The following FAM168A variants were observed in gnomAD, a reference collection of about 807,000 sequenced individuals.
FAM168A encodes family with sequence similarity 168 member A.
FAM168A carries 3 observed loss-of-function variants against 28.5 expected under a neutral mutation model. The observed-to-expected ratio is 0.11, with a 90% CI of 0.05 to 0.27. The LOEUF (loss-of-function observed/expected upper bound fraction) is 0.27, where lower values mean the gene tolerates loss of function less well. Ranked by LOEUF, FAM168A falls within the 10% of genes least tolerant of loss-of-function variation. FAM168A has a pLI of 1.00. For synonymous variants in FAM168A, 122 were observed against 124.2 expected, an observed-to-expected ratio of 0.98 and a Z score of 0.12; for missense variants, 222 against 311.5, an observed-to-expected ratio of 0.71 and a Z score of 2.16.
intron 3 of FAM168A, among the ~76,000 whole-genome samples, chr11:73,429,512 C>A (rs1351194078): frequency 6.6e-6 from 1 of 152,228 alleles, no homozygotes; most frequent in Admixed American, 6.5e-5. Context: ...TCTAGCTGCT[C>A]ACAGTTTAGC....
intron 2 of FAM168A, among the ~76,000 whole-genome samples, chr11:73,446,565 C>A (rs2134540009): frequency 6.6e-6 from 1 of 152,342 alleles, no homozygotes; most frequent in East Asian, 1.9e-4. Context: ...CATGCCCATG[C>A]AACCTGTCAC....
intron 1 of FAM168A, among the ~76,000 whole-genome samples, chr11:73,552,394 T>C (rs1391993473): frequency 6.6e-6 from 1 of 152,230 alleles, no homozygotes; most frequent in Non-Finnish European, 1.5e-5. Context: ...TCCACTATAA[T>C]TTACACTTTA....
intron 1 of FAM168A, among the ~76,000 whole-genome samples, chr11:73,508,119 A>G (rs1313838994): frequency 3.3e-5 from 5 of 152,188 alleles, no homozygotes; most frequent in African/African-American, 1.2e-4. Context: ...CAGCTGATGT[A>G]AGAGTTAAAT....
At chr11:73,544,662 T>C (rs1943702086) in intron 1 of FAM168A, among the ~76,000 whole-genome samples, 2 of 134,960 alleles carry the variant, frequency 1.5e-5, no homozygotes, top group South Asian at 2.1e-4. Context: ...CAATTACATA[T>C]ATTATATATA....
intron 1 of FAM168A, among the ~76,000 whole-genome samples, chr11:73,577,374 C>T (rs1451854799): frequency 6.6e-6 from 1 of 152,078 alleles, no homozygotes; most frequent in East Asian, 1.9e-4. Flanking sequence ...CACTTTTAAC[C>T]TTGAGCAAAT....
In FAM168A at chr11:73,419,948, G is replaced by A; in HGVS notation, c.203C>T (p.Thr68Ile). Residue 68 changes from threonine (T) to isoleucine (I), a missense_variant, in exon 4 of 8, where the codon ACT becomes ATT. Coordinates refer to ENST00000356467, the MANE Select transcript of FAM168A (RefSeq NM_015159.3). ...CACTGGGAGGTGGAAGGTGCCTTCA[G>A]TGCCACAGGAAGACGAGTTCTGTGG... is the stretch of plus-strand genomic sequence containing the variant. ...AWPQNSSSCG[T>I]EGTFHLPVDT... The A allele has an allele frequency of 6.2e-7, 1 of 1,613,976 alleles. No individual in the cohort carries two copies. The highest frequency in any genetic ancestry group is 8.5e-7 in the Non-Finnish European group (1 of 1,179,910).
In FAM168A at chr11:73,407,694, G is replaced by T. The variant is rs765935326; in HGVS notation, c.596-51C>A. On this transcript the variant is annotated intron_variant, in intron 6 of 7. Coordinates refer to ENST00000356467, the MANE Select transcript of FAM168A (RefSeq NM_015159.3). ...ACCTGACGAGGCTGCACCAGACACAGGAATGAAGAGGATGAAGCTACAGTC... is the reference window on the plus strand; with the variant it reads ...ACCTGACGAGGCTGCACCAGACACATGAATGAAGAGGATGAAGCTACAGTC... The T allele has an allele frequency of 6.3e-6, 9 of 1,430,916 alleles. No individual in the cohort carries two copies. In the South Asian group the frequency reaches 1.1e-4, roughly 17 times the overall value. The allele number at this position is 1,430,916 out of a possible 1,614,324, so 88.6% of individuals were successfully genotyped here. A position where few individuals can be genotyped will look rare whatever the true frequency, so the allele number is the denominator to read the frequency against.
At position 73,537,224 on chromosome 11, in the gene FAM168A, A is replaced by C. The variant is rs563928123; in HGVS notation, c.-19+60699T>G. 1.2e-3 allele frequency among the ~76,000 whole-genome samples: 177 copies of C among 152,328 alleles called. 1 individual carries two copies. The highest frequency in any genetic ancestry group is 4.1e-3 in the African/African-American group (169 of 41,566). On this transcript the variant is annotated intron_variant, in intron 1 of 7. Transcript: ENST00000356467. Reference sequence around the variant, plus strand: ...GCAATTAATACAGTATTGCAAGAGCAGTAGGAAGTGAGGCTGAAAAGGCAG... The same window carrying C: ...GCAATTAATACAGTATTGCAAGAGCCGTAGGAAGTGAGGCTGAAAAGGCAG...
intron 2 of FAM168A, among the ~76,000 whole-genome samples, chr11:73,459,064 G>A (rs1867592251): frequency 6.6e-6 from 1 of 151,884 alleles, no homozygotes; most frequent in African/African-American, 2.4e-5. Flanking sequence ...AATTTGTCCT[G>A]GAAAGTCAAA....
At chr11:73,590,765 A>G (rs998716031) in intron 1 of FAM168A, among the ~76,000 whole-genome samples, 2 of 152,242 alleles carry the variant, frequency 1.3e-5, no homozygotes, top group Non-Finnish European at 1.5e-5. Flanking sequence ...GGTCGAGAGT[A>G]GAACTGACAC....
rs1188124884 is a variant in FAM168A at position 73,587,554 on chromosome 11, T to G, written c.-19+10369A>C. On this transcript the variant is annotated intron_variant, in intron 1 of 7. Coordinates refer to ENST00000356467, the MANE Select transcript of FAM168A (RefSeq NM_015159.3). ...AACTATTAATTTTACCCAGGCACAG[T>G]GGTGCAGAGCTGTAGTTCCAGCTAC... 3.3e-5 allele frequency among the ~76,000 whole-genome samples: 5 copies of G among 151,300 alleles called. No homozygotes were observed. In the South Asian group the frequency reaches 6.3e-4, roughly 19 times the overall value.
intron 1 of FAM168A, among the ~76,000 whole-genome samples, chr11:73,548,667 G>A (rs936559508): frequency 2.0e-5 from 3 of 152,082 alleles, no homozygotes; most frequent in Non-Finnish European, 2.9e-5. Flanking sequence ...GTGTGAAAGC[G>A]TCTTGCTCTG....
At chr11:73,458,447 C>G (rs1387497225) in intron 2 of FAM168A, among the ~76,000 whole-genome samples, 1 of 152,182 alleles carries the variant, frequency 6.6e-6, no homozygotes, top group East Asian at 1.9e-4. Context: ...TTTAATCCAT[C>G]TGCTTTTAGC....
intron 1 of FAM168A, among the ~76,000 whole-genome samples, chr11:73,592,144 T>A (rs181370980): frequency 2.0e-5 from 3 of 152,292 alleles, no homozygotes; most frequent in Admixed American, 6.5e-5. Context: ...AAATATATCA[T>A]CTCAGGGTTC....
chr11:73,412,893 G>A (rs1866638047), intron 4 of FAM168A, among the ~76,000 whole-genome samples: 1 of 152,164 alleles, frequency 6.6e-6, no homozygotes, highest in Non-Finnish European at 1.5e-5. Context: ...AGGGACTAGG[G>A]GCAGAGTGGA....
In FAM168A at chr11:73,514,293, T is replaced by C. The variant is rs533175772; in HGVS notation, c.-18-45801A>G. On this transcript the variant is annotated intron_variant, in intron 1 of 7. Coordinates refer to ENST00000356467, the MANE Select transcript of FAM168A (RefSeq NM_015159.3). ...CACTGTCCTTTCAGAGTTGTTATGA[T>C]AGTTAAATGAAATATATAAACGCAC... Among the ~76,000 whole-genome samples the C allele has an allele frequency of 4.6e-5, 7 of 152,296 alleles. No individual in the cohort carries two copies. The East Asian group carries it at 9.7e-4, about 21-fold the overall frequency.
chr11:73,587,447 G>A (rs926074036), intron 1 of FAM168A, among the ~76,000 whole-genome samples: 3 of 150,404 alleles, frequency 2.0e-5, no homozygotes, highest in South Asian at 4.2e-4. Context: ...AGCCCAGATC[G>A]CACCACTGCA....
chr11:73,419,402 T>TA (rs1211950152), intron 4 of FAM168A, among the ~76,000 whole-genome samples: 2 of 152,178 alleles, frequency 1.3e-5, no homozygotes, highest in Non-Finnish European at 2.9e-5. Flanking sequence ...GAGGCTTTCC[T>TA]ACTGGCATGT....
intron 2 of FAM168A, among the ~76,000 whole-genome samples, chr11:73,451,741 C>A (rs1867434310): frequency 1.3e-5 from 2 of 152,216 alleles, no homozygotes; most frequent in South Asian, 4.1e-4. Context: ...TGTAAGTAGG[C>A]TGTACCATCT....
Sources: allele counts gnomAD v4.1 joint callset (sites outside exome capture counted in the v4.1 genomes callset), GRCh38; gene constraint gnomAD v4.1.1; transcripts MANE v1.5; gene names NCBI Gene and HGNC (gene_info 2026-07-23, HGNC 2026-07-21).